DISC1: variants seen among roughly 807,000 people sequenced by gnomAD.
DISC1 encodes the protein disrupted in schizophrenia 1 protein.
Under a neutral mutation model 84.5 loss-of-function variants are expected in DISC1, and 57 were observed. That is an observed-to-expected ratio of 0.67 (90% CI 0.55 to 0.84). The LOEUF (loss-of-function observed/expected upper bound fraction) is 0.84. DISC1 is among the 40% of genes least tolerant of loss of function. DISC1 has a pLI of 0.00. For synonymous variants in DISC1, 411 were observed against 415.2 expected (o/e 0.99, Z 0.12); for missense variants, 1,000 against 1,057.8 (o/e 0.95, Z 0.76).
intron 1 of DISC1, among the ~76,000 whole-genome samples, chr1:231,639,957 AT>A (rs2059497450): frequency 6.6e-6 from 1 of 152,228 alleles, no homozygotes; most frequent in Admixed American, 6.5e-5. Context: ...TCTGAATCAC[AT>A]TAGTGTTTCT....
intron 9 of DISC1, among the ~76,000 whole-genome samples, chr1:231,896,213 A>G (rs116848577): frequency 6.6e-6 from 1 of 152,230 alleles, no homozygotes; most frequent in East Asian, 1.9e-4. Context: ...GATTTAGGGA[A>G]TGGTCATGAG....
In DISC1 at chr1:232,041,021, TA is replaced by T. The variant is rs1201023943; in HGVS notation, c.*4191del. ...TCTTGTATATGTAATTCAATACTTT[TA>T]CTTTTAATATCCTCACCTTATCTAA... On this transcript the variant is annotated 3_prime_UTR_variant, in exon 13 of 13. Transcript: ENST00000439617. The T allele has an allele frequency of 6.6e-6, 1 of 150,646 alleles. No individual in the cohort carries two copies. The highest frequency in any genetic ancestry group is 2.4e-5 in the African/African-American group (1 of 41,158). The allele number at this position is 150,646 out of a possible 1,614,324, so 9.3% of individuals were successfully genotyped here. A position where few individuals can be genotyped will look rare whatever the true frequency, so the allele number is the denominator to read the frequency against.
chr1:231,833,133 C>A (rs1341995311), intron 9 of DISC1, among the ~76,000 whole-genome samples: 1 of 150,046 alleles, frequency 6.7e-6, no homozygotes, highest in African/African-American at 2.5e-5. Flanking sequence ...CAGCTGTAGT[C>A]CAGGAATAGT....
At chr1:231,837,363 C>T (rs1353875570) in intron 9 of DISC1, among the ~76,000 whole-genome samples, 1 of 152,118 alleles carries the variant, frequency 6.6e-6, no homozygotes, top group Non-Finnish European at 1.5e-5. Flanking sequence ...TTTTTTATCC[C>T]AAAGTGTAGC....
intron 3 of DISC1, among the ~76,000 whole-genome samples, chr1:231,712,277 A>G (rs2125022661): frequency 6.6e-6 from 1 of 152,364 alleles, no homozygotes; most frequent in East Asian, 1.9e-4. Context: ...ATGTTGTTTT[A>G]AGCCTGTAAG....
rs74496941 is a variant in DISC1, at chr1:231,825,013, G to A, written c.1981+6496G>A. Among the ~76,000 whole-genome samples, 1,158 of 152,268 alleles carry A rather than the reference G, an allele frequency of 7.6e-3. 14 individuals carry two copies. Among genetic ancestry groups the A allele is most frequent in the African/African-American group, 0.026 (1,090 of 41,562 alleles). On this transcript the variant is annotated intron_variant, in intron 9 of 12. Coordinates refer to ENST00000439617, the MANE Select transcript of DISC1 (RefSeq NM_018662.3). ...TCCAGAGATGAATTAGATAGTCCCT[G>A]TGGCTACTGAGGTCCCTTTTAACTC...
intron 9 of DISC1, among the ~76,000 whole-genome samples, chr1:231,822,964 C>T (rs1400830241): frequency 6.6e-6 from 1 of 152,176 alleles, no homozygotes; most frequent in East Asian, 1.9e-4. Context: ...GGATCTGCCC[C>T]CAGACCCAGA....
rs114350947 is a variant in DISC1 at position 231,804,978 on chromosome 1, A to G, written c.1792+4768A>G. The stretch of plus-strand genomic sequence containing the variant: ...CATGGAATTAACTAGGATGTTAGAA[A>G]TGAAAAAAGGAAGAAAAGTAGGCTA... On this transcript the variant is annotated intron_variant, in intron 8 of 12. Transcript: ENST00000439617. Among the ~76,000 whole-genome samples, 1,137 of 152,328 alleles carry G rather than the reference A, an allele frequency of 7.5e-3. 15 individuals carry two copies. The highest frequency in any genetic ancestry group is 0.025 in the African/African-American group (1,055 of 41,572).
At chr1:231,689,143 G>A (rs941419162) in intron 1 of DISC1, among the ~76,000 whole-genome samples, 18 of 152,262 alleles carry the variant, frequency 1.2e-4, no homozygotes, top group Admixed American at 7.2e-4. Context: ...TCCCTGAAAA[G>A]AATATATTCC....
At chr1:231,656,934 G>A (rs569228174) in intron 1 of DISC1, among the ~76,000 whole-genome samples, 7 of 152,164 alleles carry the variant, frequency 4.6e-5, no homozygotes, top group African/African-American at 1.2e-4. Context: ...TTCCAACTCC[G>A]ACTCCATCCA....
At chr1:231,953,052 A>G (rs903476183) in intron 9 of DISC1, among the ~76,000 whole-genome samples, 1 of 152,176 alleles carries the variant, frequency 6.6e-6, no homozygotes. Flanking sequence ...TTTGAACCTT[A>G]CTGCTGCTCC....
intron 1 of DISC1, among the ~76,000 whole-genome samples, chr1:231,654,143 G>C (rs528481651): frequency 6.6e-6 from 1 of 152,218 alleles, no homozygotes; most frequent in Admixed American, 6.5e-5. Flanking sequence ...CGTTTGAAGT[G>C]ATTGCAGGGG....
chr1:231,866,708 A>G, intron 9 of DISC1: 1 of 1,360,674 alleles, frequency 7.3e-7, no homozygotes, highest in Non-Finnish European at 9.5e-7. Flanking sequence ...AAAAAAGAAA[A>G]GAAAGCATGT....
intron 5 of DISC1, among the ~76,000 whole-genome samples, chr1:231,770,294 T>A (rs1407203808): frequency 2.0e-5 from 3 of 152,072 alleles, no homozygotes; most frequent in Admixed American, 2.0e-4. Flanking sequence ...AATTAACATT[T>A]ATTTATATTT....
intron 9 of DISC1, among the ~76,000 whole-genome samples, chr1:231,840,706 T>G (rs2082979358): frequency 6.6e-6 from 1 of 151,604 alleles, no homozygotes; most frequent in Non-Finnish European, 1.5e-5. Flanking sequence ...GTTTTTTTTT[T>G]TTTGTTGTTG....
chr1:231,773,197 C>T (rs1342747002), intron 6 of DISC1, among the ~76,000 whole-genome samples: 1 of 152,164 alleles, frequency 6.6e-6, no homozygotes, highest in Non-Finnish European at 1.5e-5. Flanking sequence ...ATGACTAATT[C>T]TCTTTCCTCA....
At chr1:231,740,072 A>G (rs2073045948) in intron 3 of DISC1, among the ~76,000 whole-genome samples, 2 of 152,184 alleles carry the variant, frequency 1.3e-5, no homozygotes, top group African/African-American at 4.8e-5. Context: ...TGCCATGAGA[A>G]AAAGCAGCTG....
At chr1:232,003,484 T>G (rs1364083514) in intron 10 of DISC1, among the ~76,000 whole-genome samples, 1 of 151,940 alleles carries the variant, frequency 6.6e-6, no homozygotes, top group East Asian at 1.9e-4. Flanking sequence ...AATAAAACTA[T>G]GGGAGGAAAT....
chr1:231,849,759 C>T (rs932940044), intron 9 of DISC1, among the ~76,000 whole-genome samples: 1 of 152,198 alleles, frequency 6.6e-6, no homozygotes, highest in African/African-American at 2.4e-5. Flanking sequence ...CTCAATATAA[C>T]CTTTGTCTTC....
Sources: gnomAD v4.1 joint callset for allele counts (sites outside exome capture counted in the v4.1 genomes callset) on GRCh38, gnomAD v4.1.1 for gene constraint, MANE v1.5 for transcripts, NCBI Gene and HGNC (gene_info 2026-07-23, HGNC 2026-07-21) for gene names.